PDE11A: variants seen among roughly 807,000 people sequenced by gnomAD.
PDE11A encodes the protein phosphodiesterase 11A, also known as dual 3',5'-cyclic-AMP and -GMP phosphodiesterase 11A.
PDE11A carries 100 observed loss-of-function variants against 100.5 expected under a neutral mutation model. The ratio of observed to expected loss-of-function variants is 1.00; its 90% CI spans 0.85 to 1.18. The LOEUF (loss-of-function observed/expected upper bound fraction) is 1.18, where lower values mean the gene tolerates loss of function less well. Ranked by LOEUF, PDE11A falls within the 50% of genes most tolerant of loss-of-function variation. The pLI is 0.00. For synonymous variants in PDE11A, 381 were observed against 420.8 expected (o/e 0.91, Z 1.16); for missense variants, 1,141 against 1,152.6 (o/e 0.99, Z 0.15).
chr2:177,807,752 A>G (rs775046692), intron 9 of PDE11A, among the ~76,000 whole-genome samples: 3 of 152,190 alleles, frequency 2.0e-5, no homozygotes, highest in Non-Finnish European at 4.4e-5. Context: ...AACAACTAAG[A>G]CAAATATTGT....
chr2:177,918,194 T>A (rs75650523), intron 2 of PDE11A, among the ~76,000 whole-genome samples: 229 of 152,268 alleles, frequency 1.5e-3, no homozygotes, highest in Non-Finnish European at 2.4e-3. Context: ...TCTACATGAG[T>A]CATCAGTAAT....
chr2:177,657,266 G>T (rs1385519782), intron 19 of PDE11A, among the ~76,000 whole-genome samples: 2 of 152,162 alleles, frequency 1.3e-5, no homozygotes, highest in Non-Finnish European at 2.9e-5. Flanking sequence ...ATGTAACAAG[G>T]ACAATATTTT....
At chr2:177,686,462 G>T (rs1372422609) in intron 15 of PDE11A, among the ~76,000 whole-genome samples, 1 of 152,152 alleles carries the variant, frequency 6.6e-6, no homozygotes. Flanking sequence ...AGCTGCTAGG[G>T]AGGCTGAGGT....
In PDE11A at chr2:177,876,987, A is replaced by G. The variant is rs1558986918; in HGVS notation, c.1303-1064T>C. On this transcript the variant is annotated intron_variant, in intron 4 of 19. Coordinates refer to ENST00000286063, the MANE Select transcript of PDE11A (RefSeq NM_016953.4). Reference sequence around the variant, plus strand: ...AAGGAGGGCCAGATGGTTGAAGCTTAAATAGCATCCTCTTTATAGGGGAGA... The same window carrying G: ...AAGGAGGGCCAGATGGTTGAAGCTTGAATAGCATCCTCTTTATAGGGGAGA... Among the ~76,000 whole-genome samples, 2 of 147,796 alleles carry G rather than the reference A, an allele frequency of 1.4e-5. 1 individual carries two copies. Among genetic ancestry groups the G allele is most frequent in the Non-Finnish European group, 3.0e-5 (2 of 67,262 alleles).
chr2:177,936,105 A>G (rs929219306), intron 2 of PDE11A, among the ~76,000 whole-genome samples: 1 of 152,214 alleles, frequency 6.6e-6, no homozygotes, highest in Non-Finnish European at 1.5e-5. Context: ...GATGGGTGGA[A>G]TGTTATTTGA....
chr2:177,908,965 T>C (rs1487388636), intron 2 of PDE11A, among the ~76,000 whole-genome samples: 1 of 152,220 alleles, frequency 6.6e-6, no homozygotes, highest in African/African-American at 2.4e-5. Flanking sequence ...CAGATCGGTA[T>C]TAGTTCTTTT....
intron 1 of PDE11A, among the ~76,000 whole-genome samples, chr2:178,037,922 G>A (rs1429988005): frequency 2.6e-5 from 4 of 151,756 alleles, no homozygotes; most frequent in Non-Finnish European, 5.9e-5. Flanking sequence ...TCTAATGCAT[G>A]GGGGGCTTAA....
chr2:178,099,254 C>T (rs2087532230), intron 2 of PDE11A, among the ~76,000 whole-genome samples: 1 of 151,756 alleles, frequency 6.6e-6, no homozygotes, highest in Non-Finnish European at 1.5e-5. Flanking sequence ...GGTGAAACCC[C>T]GTCTCTACTA....
At chr2:177,776,810 T>A (rs1415681023) in intron 9 of PDE11A, among the ~76,000 whole-genome samples, 1 of 152,116 alleles carries the variant, frequency 6.6e-6, no homozygotes, top group Non-Finnish European at 1.5e-5. Context: ...CATGTTGGCA[T>A]CCTGACATGG....
chr2:177,705,766 G>C (rs1203428158), intron 13 of PDE11A, among the ~76,000 whole-genome samples: 1 of 152,214 alleles, frequency 6.6e-6, no homozygotes, highest in Non-Finnish European at 1.5e-5. Context: ...TGAGGAATGG[G>C]ATTAGGCTGT....
chr2:177,773,714 G>A (rs1186270140), intron 9 of PDE11A, among the ~76,000 whole-genome samples: 2 of 152,146 alleles, frequency 1.3e-5, no homozygotes, highest in Non-Finnish European at 1.5e-5. Flanking sequence ...AGGGGGGAGA[G>A]AAATGGTCTA....
intron 9 of PDE11A, among the ~76,000 whole-genome samples, chr2:177,787,193 G>C: frequency 6.8e-6 from 1 of 147,048 alleles, no homozygotes; most frequent in Non-Finnish European, 1.5e-5. Context: ...GGATCTCTCG[G>C]CAGAAACTCT....
chr2:178,102,661 T>C (rs2087573965), intron 2 of PDE11A, among the ~76,000 whole-genome samples: 1 of 151,918 alleles, frequency 6.6e-6, no homozygotes, highest in Non-Finnish European at 1.5e-5. Context: ...TGGCCTCAAG[T>C]AATCCTCCCA....
intron 10 of PDE11A, among the ~76,000 whole-genome samples, chr2:177,759,919 A>T (rs538845207): frequency 1.3e-5 from 2 of 152,370 alleles, no homozygotes; most frequent in Admixed American, 1.3e-4. Context: ...CTCAGACGTC[A>T]TTACCATTCA....
intron 2 of PDE11A, among the ~76,000 whole-genome samples, chr2:177,918,604 G>A (rs912862948): frequency 3.9e-5 from 6 of 152,080 alleles, no homozygotes; most frequent in Non-Finnish European, 5.9e-5. Flanking sequence ...GAAAAACCCC[G>A]AAAATATACT....
At chr2:177,998,533 G>A (rs2117738) in intron 2 of PDE11A, 718,685 of 1,355,460 alleles carry the variant, frequency 0.53, 194,750 homozygotes, top group Admixed American at 0.73. Flanking sequence ...ATTGCTTGAC[G>A]TCAAATAGAT....
chr2:178,083,146 CT>C (rs1488225497), intron 2 of PDE11A, among the ~76,000 whole-genome samples: 1 of 147,892 alleles, frequency 6.8e-6, no homozygotes, highest in African/African-American at 2.5e-5. Context: ...GTCACCTAGG[CT>C]GGAGTGCAGT....
chr2:178,019,165 G>C (rs183670158), intron 1 of PDE11A, among the ~76,000 whole-genome samples: 1 of 152,166 alleles, frequency 6.6e-6, no homozygotes, highest in African/African-American at 2.4e-5. Context: ...CTGTTCAGTT[G>C]ATATCAGCTA....
chr2:177,668,972 A>G (rs1035278494), intron 18 of PDE11A, among the ~76,000 whole-genome samples: 1 of 152,224 alleles, frequency 6.6e-6, no homozygotes, highest in African/African-American at 2.4e-5. Flanking sequence ...ATTCTTAAGT[A>G]ATAACTGAGC....
Sources: allele counts gnomAD v4.1 joint callset (sites outside exome capture counted in the v4.1 genomes callset), GRCh38; gene constraint gnomAD v4.1.1; transcripts MANE v1.5; gene names NCBI Gene and HGNC (gene_info 2026-07-23, HGNC 2026-07-21).